The following GHRHR variants were observed in gnomAD, a reference collection of about 807,000 sequenced individuals.
GHRHR encodes the protein growth hormone-releasing hormone receptor.
GHRHR carries 40 observed loss-of-function variants against 58.3 expected under a neutral mutation model. The observed-to-expected ratio is 0.69, with a 90% CI of 0.53 to 0.89. GHRHR has a LOEUF of 0.89. GHRHR is among the 40% of genes least tolerant of loss of function. The pLI, the probability that GHRHR is intolerant of heterozygous loss-of-function variation, is 0.00. For synonymous variants in GHRHR, 249 were observed against 216.6 expected, an observed-to-expected ratio of 1.15 and a Z score of -1.31; for missense variants, 551 against 541.3, an observed-to-expected ratio of 1.02 and a Z score of -0.18.
rs773649791 is a variant in GHRHR, at chr7:30,977,257, G to C, written c.1105-24G>C. ...AGGCCAGGCCAAAGGGTTCTGATGG[G>C]GTCTTTCTTCTTTGGACCCACAGGG... On this transcript the variant is annotated intron_variant, in intron 11 of 12. Coordinates refer to ENST00000326139, the MANE Select transcript of GHRHR (RefSeq NM_000823.4). 6 of 1,611,672 alleles carry C rather than the reference G, an allele frequency of 3.7e-6. No individual in the cohort carries two copies. In the South Asian group the frequency reaches 6.6e-5, roughly 18 times the overall value.
chr7:30,968,640 CCCTTCCTT>C (rs760999972), intron 1 of GHRHR, among the ~76,000 whole-genome samples, 186 bp from the exon 2 acceptor site: 1 of 81,860 alleles, frequency 1.2e-5, no homozygotes, highest in East Asian at 2.5e-4. Flanking sequence ...CTCCCTCCCT[CCCTTCCTT>C]CCTTCCTTCC....
rs1562595216 is a variant in GHRHR at position 30,975,856 on chromosome 7, A to C, written c.962A>C (p.Gln321Pro). ...CCAGCTCAGGGCAGCCTCCATACCC[A>C]GTCTCAGTATTGGTACTGTGTGTTT... ...LEPAQGSLHT[Q>P]SQYWRLSKST... The change falls in exon 10 of 13, where the codon CAG (glutamine) becomes CCG (proline). Residue 321 changes from glutamine to proline, a missense_variant. Gln to Pro is a moderately conservative substitution (Grantham distance 76). Coordinates refer to ENST00000326139, the MANE Select transcript of GHRHR (RefSeq NM_000823.4). 1 of 1,586,620 alleles carries C rather than the reference A, an allele frequency of 6.3e-7. No homozygotes were observed. The highest frequency in any genetic ancestry group is 1.3e-5 in the African/African-American group (1 of 74,316).
In GHRHR at chr7:30,975,811, T is replaced by A; in HGVS notation, c.917T>A (p.Ile306Asn). Residue 306 changes from isoleucine to asparagine, a missense_variant, in exon 10 of 13, where the codon ATC becomes AAC. By Grantham distance (149) the Ile-to-Asn change is moderately radical. Coordinates refer to ENST00000326139, the MANE Select transcript of GHRHR (RefSeq NM_000823.4). ...GGGCTTTTTCTCAATATTATCCGCATCCTGGTGAGGAAACTGGAGCCAGCT... is the reference window on the plus strand; with the variant it reads ...GGGCTTTTTCTCAATATTATCCGCAACCTGGTGAGGAAACTGGAGCCAGCT... ...NFGLFLNIIR[I>N]LVRKLEPAQG... is the part of the protein sequence containing the mutation. The A allele has an allele frequency of 6.2e-7, 1 of 1,612,374 alleles. No homozygotes were observed.
rs567770181 is a variant in GHRHR at position 30,967,199 on chromosome 7, G to A, written c.58-1635G>A. On this transcript the variant is annotated intron_variant, in intron 1 of 12. Coordinates refer to ENST00000326139, the MANE Select transcript of GHRHR (RefSeq NM_000823.4). ...GGGCGATCAGTTTTGGTTTTCCTTC[G>A]GTTTGGGGCGGTGGGAGGGAGAAGT... Among the ~76,000 whole-genome samples, 19 of 152,258 alleles carry A rather than the reference G, an allele frequency of 1.2e-4. No homozygotes were observed. In the South Asian group the frequency reaches 3.7e-3, roughly 30 times the overall value.
rs989480704 is a variant in GHRHR at position 30,964,255 on chromosome 7, T to C, written c.57+130T>C. On this transcript the variant is annotated intron_variant, in intron 1 of 12. Transcript: ENST00000326139. ...TCTAGAGTCCCTCCCTACGAGCAGG[T>C]GGCAGGCTGTGGCTTGGAGAGCCCC... is the stretch of plus-strand genomic sequence containing the variant. The C allele has an allele frequency of 8.4e-6, 7 of 829,086 alleles. No homozygotes were observed. The Admixed American group carries it at 1.4e-4, about 17-fold the overall frequency. 51.4% of individuals were successfully genotyped at this position (829,086 alleles called of 1,614,324 possible). A position where few individuals can be genotyped will look rare whatever the true frequency, so the allele number is the denominator to read the frequency against.
intron 1 of GHRHR, among the ~76,000 whole-genome samples, chr7:30,966,145 C>T (rs1792345516): frequency 6.6e-6 from 1 of 152,094 alleles, no homozygotes; most frequent in Non-Finnish European, 1.5e-5. Flanking sequence ...GGGGGTGACC[C>T]TCCTTACTGG....
chr7:30,967,045 C>T (rs559293345), intron 1 of GHRHR, among the ~76,000 whole-genome samples: 5 of 152,306 alleles, frequency 3.3e-5, no homozygotes, highest in Admixed American at 3.3e-4. Flanking sequence ...GAACAGACAT[C>T]TACACTGGTT....
At chr7:30,965,477 G>A (rs1300180902) in intron 1 of GHRHR, among the ~76,000 whole-genome samples, 1 of 152,186 alleles carries the variant, frequency 6.6e-6, no homozygotes. Context: ...TTCAGCAGGA[G>A]CATTTGGATA....
chr7:30,970,058 G>T, intron 4 of GHRHR, 94 bp downstream of exon 4: 1 of 776,044 alleles, frequency 1.3e-6, no homozygotes, highest in Non-Finnish European at 2.4e-6. Flanking sequence ...CTAGCCTGCA[G>T]ATTGGAATAC....
chr7:30,975,240 C>T (rs924499851), intron 9 of GHRHR, among the ~76,000 whole-genome samples, 200 bp downstream of exon 9: 4 of 152,146 alleles, frequency 2.6e-5, no homozygotes, highest in African/African-American at 4.8e-5. Context: ...TGGTGGTCTC[C>T]ATCAGCATGC....
At chr7:30,964,914 ATTC>A (rs1792310162) in intron 1 of GHRHR, among the ~76,000 whole-genome samples, 1 of 152,044 alleles carries the variant, frequency 6.6e-6, no homozygotes, top group South Asian at 2.1e-4. Flanking sequence ...GGCCTGAAGC[ATTC>A]TTCCTCCGCT....
chr7:30,975,704 C>G (rs1285582722), intron 9 of GHRHR, 73 bp from the exon 10 acceptor site: 1 of 837,396 alleles, frequency 1.2e-6, no homozygotes, highest in East Asian at 2.4e-5. Context: ...CCCAAATGGG[C>G]TGGGGCTCAC....
At chr7:30,976,656 C>G in intron 11 of GHRHR, 98 bp downstream of exon 11, 2 of 998,424 alleles carry the variant, frequency 2.0e-6, no homozygotes, top group Non-Finnish European at 3.1e-6. Context: ...AGGGTGAGGG[C>G]TATGTTTTTC....
chr7:30,970,903 C>T, intron 4 of GHRHR: 1 of 624,892 alleles, frequency 1.6e-6, no homozygotes, highest in Non-Finnish European at 2.9e-6. Flanking sequence ...CTCCTCGCCA[C>T]TACCCCTCCC....
intron 1 of GHRHR, among the ~76,000 whole-genome samples, chr7:30,965,179 C>T (rs535951056): frequency 4.1e-4 from 63 of 152,250 alleles, no homozygotes; most frequent in Non-Finnish European, 6.8e-4. Flanking sequence ...CTTCGACTGC[C>T]CCCCTGTCTG....
rs1792540458 is a variant in GHRHR at position 30,974,589 on chromosome 7, A to G, written c.812+100A>G. The G allele has an allele frequency of 3.4e-6, 3 of 884,020 alleles. No individual in the cohort carries two copies. In the East Asian group the frequency reaches 7.2e-5, roughly 21 times the overall value. 54.8% of individuals were successfully genotyped at this position (884,020 alleles called of 1,614,324 possible). A position where few individuals can be genotyped will look rare whatever the true frequency, so the allele number is the denominator to read the frequency against. On this transcript the variant is annotated intron_variant, in intron 8 of 12. Coordinates refer to ENST00000326139, the MANE Select transcript of GHRHR (RefSeq NM_000823.4). ...TGTTCTCCAGGCTGGGAAGAGGAGG[A>G]GAAGGGACTGCCCGGCTAGGATGGG...
rs764696332 is a variant in GHRHR at position 30,974,531 on chromosome 7, A to G, written c.812+42A>G. On this transcript the variant is annotated intron_variant, in intron 8 of 12. Transcript: ENST00000326139. ...ACCTTGTCATACCCGCTGGTCCTAC[A>G]TGGGGTGTGGAGTGGACAGTCAGGC... is the stretch of plus-strand genomic sequence containing the variant. The G allele has an allele frequency of 5.0e-6, 7 of 1,409,744 alleles. No homozygotes were observed. The South Asian group carries it at 8.0e-5, about 16-fold the overall frequency. 87.3% of individuals were successfully genotyped at this position (1,409,744 alleles called of 1,614,324 possible). A position where few individuals can be genotyped will look rare whatever the true frequency, so the allele number is the denominator to read the frequency against.
In GHRHR at chr7:30,969,978, G is replaced by A; in HGVS notation, c.366+14G>A. ...CTGGCTGAGGAGGTAAGAGTCTTCT[G>A]GCATCTTGGAGGAAGGACTGCCATG... On this transcript the variant is annotated intron_variant, in intron 4 of 12. Coordinates refer to ENST00000326139, the MANE Select transcript of GHRHR (RefSeq NM_000823.4). 1 of 1,048,456 alleles carries A rather than the reference G, an allele frequency of 9.5e-7. No homozygotes were observed. Among genetic ancestry groups the A allele is most frequent in the Non-Finnish European group, 1.5e-6 (1 of 663,242 alleles). The allele number at this position is 1,048,456 out of a possible 1,614,324, so 64.9% of individuals were successfully genotyped here. A position where few individuals can be genotyped will look rare whatever the true frequency, so the allele number is the denominator to read the frequency against.
chr7:30,972,824 A>G (rs1367543823), intron 6 of GHRHR, among the ~76,000 whole-genome samples: 1 of 152,222 alleles, frequency 6.6e-6, no homozygotes, highest in African/African-American at 2.4e-5. Context: ...CAGGGAGCAA[A>G]CTAACACATG....
Sources: allele counts gnomAD v4.1 joint callset (sites outside exome capture counted in the v4.1 genomes callset), GRCh38; gene constraint gnomAD v4.1.1; transcripts MANE v1.5; gene names NCBI Gene and HGNC (gene_info 2026-07-23, HGNC 2026-07-21).